Variants in MYO16 observed in about 807,000 individuals in gnomAD.
MYO16 encodes unconventional myosin-XVI.
MYO16 carries 94 observed loss-of-function variants against 205.3 expected under a neutral mutation model. The observed-to-expected ratio is 0.46, with a 90% confidence interval of 0.39 to 0.54. The LOEUF (loss-of-function observed/expected upper bound fraction) is 0.54, where lower values mean the gene tolerates loss of function less well. MYO16 is among the 20% of genes least tolerant of loss of function. The pLI, the probability that MYO16 is intolerant of heterozygous loss-of-function variation, is 0.00. For missense variants in MYO16, 2,315 were observed against 2,387.5 expected (o/e 0.97, Z 0.63); for synonymous variants, 988 against 954.0 (o/e 1.04, Z -0.66).
intron 4 of MYO16, among the ~76,000 whole-genome samples, chr13:108,743,635 C>T (rs1414718301): frequency 6.6e-6 from 1 of 152,144 alleles, no homozygotes; most frequent in Non-Finnish European, 1.5e-5. Context: ...AATCCTTGGC[C>T]TTTTGTGTTT....
At chr13:108,706,960 C>T (rs1476148525) in intron 2 of MYO16, among the ~76,000 whole-genome samples, 1 of 152,158 alleles carries the variant, frequency 6.6e-6, no homozygotes, top group Non-Finnish European at 1.5e-5. Context: ...AATTCCCTTG[C>T]CAAGGCTGGA....
At chr13:108,790,316 A>G (rs1283928536) in intron 5 of MYO16, among the ~76,000 whole-genome samples, 1 of 152,216 alleles carries the variant, frequency 6.6e-6, no homozygotes, top group Non-Finnish European at 1.5e-5. Flanking sequence ...ACGTAATTTC[A>G]GTTTTGCCCA....
chr13:108,667,315 GTTTTGTTTTT>G (rs1881779611), intron 2 of MYO16, among the ~76,000 whole-genome samples: 1 of 118,296 alleles, frequency 8.5e-6, no homozygotes, highest in African/African-American at 3.2e-5. Flanking sequence ...GAGAATTTCT[GTTTTGTTTTT>G]TTTTTTTTTT....
chr13:108,838,252 T>TG (rs1313640756), intron 9 of MYO16, among the ~76,000 whole-genome samples: 1 of 151,296 alleles, frequency 6.6e-6, no homozygotes, highest in Non-Finnish European at 1.5e-5. Flanking sequence ...GTTGTGAAAA[T>TG]GAAAAAAAAA....
chr13:108,635,408 T>G (rs1300529386), intron 1 of MYO16, among the ~76,000 whole-genome samples: 1 of 152,168 alleles, frequency 6.6e-6, no homozygotes, highest in African/African-American at 2.4e-5. Flanking sequence ...TTACACTGGG[T>G]TTTTAATCCT....
At chr13:108,818,437 CAAACACAATAAT>C in intron 7 of MYO16, among the ~76,000 whole-genome samples, 1 of 146,718 alleles carries the variant, frequency 6.8e-6, no homozygotes, top group African/African-American at 2.7e-5. Flanking sequence ...ATTAATAAAA[CAAACACAATAAT>C]AAATAAAAAT....
intron 1 of MYO16, among the ~76,000 whole-genome samples, chr13:108,622,568 T>TATATATA (rs1566510166): frequency 1.3e-5 from 2 of 150,836 alleles, no homozygotes; most frequent in African/African-American, 4.9e-5. Flanking sequence ...CTCTGAGAAG[T>TATATATA]CCTTCCAGTT....
chr13:108,933,282 T>C (rs1311920752), intron 16 of MYO16, among the ~76,000 whole-genome samples: 3 of 152,228 alleles, frequency 2.0e-5, no homozygotes, highest in African/African-American at 7.2e-5. Flanking sequence ...AGAATTGTTA[T>C]GCAGACAGGA....
At chr13:108,545,182 G>A in the MYO16 span, among the ~76,000 whole-genome samples, 4 of 152,094 alleles carry the variant, frequency 2.6e-5, no homozygotes, top group Non-Finnish European at 2.9e-5. Context: ...GGGAGGCCCC[G>A]TGTCTGTTGT....
chr13:108,584,745 A>G, the MYO16 span, among the ~76,000 whole-genome samples: 3 of 152,186 alleles, frequency 2.0e-5, no homozygotes, highest in Admixed American at 1.3e-4. Flanking sequence ...TGCCTGGTTT[A>G]TAAAATCAGG....
chr13:108,798,688 A>ATTTTTTTT lies in MYO16; in HGVS notation c.741+5069_741+5076dup, dbSNP rs35432777. The stretch of plus-strand genomic sequence containing the variant: ...TATATCACATCTGGCCCCGAGGCTT[A>ATTTTTTTT]TTTTTTTTTTTTTTTTTTTTTTTTT... On this transcript the variant is annotated intron_variant, in intron 6 of 34. Coordinates refer to ENST00000457511, the MANE Select transcript of MYO16 (RefSeq NM_001198950.3). Among the ~76,000 whole-genome samples the ATTTTTTTT allele has an allele frequency of 3.8e-4, 27 of 70,364 alleles. 3 individuals are homozygous for ATTTTTTTT. The highest frequency in any genetic ancestry group is 8.4e-4 in the African/African-American group (14 of 16,706). The allele number at this position is 70,364 out of a possible 152,430, so 46.2% of individuals were successfully genotyped here.
chr13:108,516,251 G>C, the MYO16 span, among the ~76,000 whole-genome samples: 2 of 151,522 alleles, frequency 1.3e-5, no homozygotes, highest in Admixed American at 1.3e-4. Flanking sequence ...AGGCGCGTCC[G>C]TCACCCCTTT....
chr13:108,563,961 C>T, the MYO16 span, among the ~76,000 whole-genome samples: 1 of 152,178 alleles, frequency 6.6e-6, no homozygotes, highest in Non-Finnish European at 1.5e-5. Context: ...TTCCCACCAA[C>T]AGTGTACTAG....
At chr13:108,497,491 C>T in the MYO16 span, among the ~76,000 whole-genome samples, 1 of 152,130 alleles carries the variant, frequency 6.6e-6, no homozygotes, top group African/African-American at 2.4e-5. Flanking sequence ...GCATTATAGA[C>T]AGCATATGTT....
At chr13:108,949,674 C>T (rs1448927050) in intron 16 of MYO16, among the ~76,000 whole-genome samples, 1 of 151,942 alleles carries the variant, frequency 6.6e-6, no homozygotes, top group Non-Finnish European at 1.5e-5. Flanking sequence ...GAAGCTTATT[C>T]TAAAATTTGT....
chr13:108,636,632 C>G (rs954752890), intron 1 of MYO16, among the ~76,000 whole-genome samples: 1 of 152,118 alleles, frequency 6.6e-6, no homozygotes, highest in African/African-American at 2.4e-5. Context: ...CCCGCCTTGG[C>G]CTCCCAAAGT....
At chr13:108,969,052 C>T (rs182659766) in intron 20 of MYO16, among the ~76,000 whole-genome samples, 2 of 152,292 alleles carry the variant, frequency 1.3e-5, no homozygotes, top group East Asian at 3.9e-4. Flanking sequence ...CAGTCTAATG[C>T]ACAAAGGTAT....
intron 12 of MYO16, among the ~76,000 whole-genome samples, chr13:108,872,009 TG>T (rs1358271873): frequency 6.6e-6 from 1 of 152,228 alleles, no homozygotes; most frequent in Non-Finnish European, 1.5e-5. Context: ...CTGTTTTTAT[TG>T]CATTGGTGTC....
In MYO16 at chr13:109,128,600, T is replaced by A. The variant is rs189756788; in HGVS notation, c.4051+1050T>A. On this transcript the variant is annotated intron_variant, in intron 31 of 34. Coordinates refer to ENST00000457511, the MANE Select transcript of MYO16 (RefSeq NM_001198950.3). Reference sequence around the variant, plus strand: ...CCATCCTAGCCAACTTCTTTTTTTTTTTCAAATTTATTTTTAATTGACATA... The same window carrying A: ...CCATCCTAGCCAACTTCTTTTTTTTATTCAAATTTATTTTTAATTGACATA... Among the ~76,000 whole-genome samples, 445 of 152,162 alleles carry A rather than the reference T, an allele frequency of 2.9e-3. 3 individuals carry two copies. Among genetic ancestry groups the A allele is most frequent in the African/African-American group, 0.01 (420 of 41,518 alleles).
Sources: allele counts gnomAD v4.1 joint callset (sites outside exome capture counted in the v4.1 genomes callset), GRCh38; gene constraint gnomAD v4.1.1; transcripts MANE v1.5; gene names NCBI Gene and HGNC (gene_info 2026-07-23, HGNC 2026-07-21).